The following SGCZ variants were observed in gnomAD, a reference collection of about 807,000 sequenced individuals.
SGCZ encodes zeta-sarcoglycan.
Under a neutral mutation model 41.3 loss-of-function variants are expected in SGCZ, and 40 were observed. The observed-to-expected ratio is 0.97, with a 90% CI of 0.75 to 1.26. The LOEUF (loss-of-function observed/expected upper bound fraction) is 1.26, where lower values mean the gene tolerates loss of function less well. SGCZ is among the 50% of genes most tolerant of loss of function. The probability of loss-of-function intolerance (pLI) is 0.00; values close to 1 mark genes in which losing one functional copy is unlikely to be tolerated. For synonymous variants in SGCZ, 206 were observed against 137.5 expected, an observed-to-expected ratio of 1.50 and a Z score of -3.49; for missense variants, 552 against 369.8, an observed-to-expected ratio of 1.49 and a Z score of -4.04.
chr8:14,950,092 C>T (rs141124059), intron 1 of SGCZ, among the ~76,000 whole-genome samples: 1 of 152,114 alleles, frequency 6.6e-6, no homozygotes, highest in African/African-American at 2.4e-5. Context: ...GAGTCTAAAA[C>T]AATCCTGAAA....
intron 4 of SGCZ, among the ~76,000 whole-genome samples, chr8:14,183,439 G>C (rs904176538): frequency 1.3e-5 from 2 of 152,022 alleles, no homozygotes; most frequent in East Asian, 1.9e-4. Flanking sequence ...ACTCAACAGA[G>C]ATAGTACATG....
chr8:14,642,923 G>T (rs115058777), intron 1 of SGCZ, among the ~76,000 whole-genome samples: 3 of 151,566 alleles, frequency 2.0e-5, no homozygotes, highest in East Asian at 1.9e-4. Flanking sequence ...AGCTTAAAAG[G>T]GTAGAGATTT....
chr8:14,554,928 T>C lies in SGCZ; in HGVS notation c.40-2A>G. 6.6e-7 allele frequency: 1 copy of C among 1,503,934 alleles called. No individual in the cohort carries two copies. The highest frequency in any genetic ancestry group is 8.9e-7 in the Non-Finnish European group (1 of 1,122,886). 93.2% of individuals were successfully genotyped at this position (1,503,934 alleles called of 1,614,324 possible). A position where few individuals can be genotyped will look rare whatever the true frequency, so the allele number is the denominator to read the frequency against. ...TAGTATGTATTGTTCTCGTGTCATCTGAAAAAGAAAAAAGAAAGAAAGAGA... is the reference window on the plus strand; with the variant it reads ...TAGTATGTATTGTTCTCGTGTCATCCGAAAAAGAAAAAAGAAAGAAAGAGA... On this transcript the variant is annotated splice_acceptor_variant, in intron 1 of 7. Coordinates refer to ENST00000382080, the MANE Select transcript of SGCZ (RefSeq NM_139167.4). LOFTEE classifies it high-confidence loss of function.
intron 1 of SGCZ, among the ~76,000 whole-genome samples, chr8:14,924,573 G>C (rs1799687640): frequency 1.3e-5 from 2 of 151,834 alleles, no homozygotes; most frequent in Admixed American, 1.3e-4. Flanking sequence ...TACATCAGAA[G>C]CTTATCCACA....
At chr8:15,061,642 C>T (rs1804938709) in intron 1 of SGCZ, among the ~76,000 whole-genome samples, 1 of 151,394 alleles carries the variant, frequency 6.6e-6, no homozygotes, top group Non-Finnish European at 1.5e-5. Flanking sequence ...CCTTTTTTGC[C>T]CTTCTACATC....
At chr8:14,324,281 A>C in intron 2 of SGCZ, 77 bp from the exon 3 acceptor site, 1 of 1,015,984 alleles carries the variant, frequency 9.8e-7, no homozygotes, top group South Asian at 1.3e-5. Flanking sequence ...TTAGGCCTAA[A>C]TTGAGAAAAC....
At chr8:14,714,194 C>A (rs1809614110) in intron 1 of SGCZ, among the ~76,000 whole-genome samples, 1 of 152,062 alleles carries the variant, frequency 6.6e-6, no homozygotes, top group Non-Finnish European at 1.5e-5. Flanking sequence ...GTTTCGAACT[C>A]CTGACCTCCT....
In SGCZ at chr8:14,309,969, C is replaced by A. The variant is rs1801476170; in HGVS notation, c.336+14134G>T. Among the ~76,000 whole-genome samples, 4 of 151,744 alleles carry A rather than the reference C, an allele frequency of 2.6e-5. No individual in the cohort carries two copies. In the South Asian group the frequency reaches 8.3e-4, roughly 32 times the overall value. On this transcript the variant is annotated intron_variant, in intron 3 of 7. Transcript: ENST00000382080. ...CTCTGTAATAGTTCAGTAGAATTAC[C>A]ATTAATTACATACAAATTTTACCCA...
chr8:14,905,153 C>T (rs1001273830), intron 1 of SGCZ, among the ~76,000 whole-genome samples: 18 of 151,954 alleles, frequency 1.2e-4, no homozygotes, highest in African/African-American at 4.3e-4. Flanking sequence ...TTCTGTTTAT[C>T]AATGACATCA....
intron 3 of SGCZ, among the ~76,000 whole-genome samples, chr8:14,242,954 C>G (rs1798943798): frequency 6.6e-6 from 1 of 152,202 alleles, no homozygotes; most frequent in Non-Finnish European, 1.5e-5. Context: ...ACATCTTATA[C>G]TCACACACAC....
intron 1 of SGCZ, among the ~76,000 whole-genome samples, chr8:14,680,964 G>GAAAAAAGAGAGAAAAAAAAAA (rs1808424573): frequency 8.5e-6 from 1 of 117,934 alleles, no homozygotes; most frequent in African/African-American, 3.2e-5. Context: ...AAAAGAGTGG[G>GAAAAAAGAGAGAAAAAAAAAA]AAAAAAAAAA....
At chr8:15,065,114 C>T (rs1805082053) in intron 1 of SGCZ, among the ~76,000 whole-genome samples, 1 of 152,114 alleles carries the variant, frequency 6.6e-6, no homozygotes, top group African/African-American at 2.4e-5. Flanking sequence ...GTCTCACTTC[C>T]TGCCTTCCTG....
At chr8:14,173,752 A>T (rs114847571) in intron 4 of SGCZ, among the ~76,000 whole-genome samples, 2,013 of 127,478 alleles carry the variant, frequency 0.016, 37 homozygotes, top group African/African-American at 0.047. Flanking sequence ...GAGGAGATGT[A>T]CAGGAAACAG....
At chr8:14,945,194 C>A in intron 1 of SGCZ, among the ~76,000 whole-genome samples, 1 of 151,372 alleles carries the variant, frequency 6.6e-6, no homozygotes, top group Admixed American at 6.6e-5. Context: ...CAGAGTAATC[C>A]TTATGATACA....
intron 1 of SGCZ, among the ~76,000 whole-genome samples, chr8:14,942,404 G>A (rs778414196): frequency 2.6e-5 from 4 of 152,084 alleles, no homozygotes; most frequent in African/African-American, 4.8e-5. Flanking sequence ...GTAGCAGTTA[G>A]CAATTAATTC....
intron 7 of SGCZ, among the ~76,000 whole-genome samples, chr8:14,092,898 T>A (rs796813173): frequency 7.1e-6 from 1 of 141,070 alleles, no homozygotes; most frequent in Admixed American, 7.1e-5. Context: ...TATAATTAGA[T>A]TTGAAGTCTC....
rs570765275 is a variant in SGCZ, at chr8:14,341,681, G to A, written c.235-17477C>T. Among the ~76,000 whole-genome samples the A allele has an allele frequency of 3.3e-5, 5 of 152,276 alleles. No individual in the cohort carries two copies. In the East Asian group the frequency reaches 9.7e-4, roughly 29 times the overall value. On this transcript the variant is annotated intron_variant, in intron 2 of 7. Transcript: ENST00000382080. ...ATGTGTTATAGGAGGGACCCAAGAG[G>A]AAGTAATTGAATCATGGGGGCCAGT...
chr8:14,994,500 C>T (rs1802142880), intron 1 of SGCZ, among the ~76,000 whole-genome samples: 1 of 151,944 alleles, frequency 6.6e-6, no homozygotes, highest in South Asian at 2.1e-4. Flanking sequence ...AGGAGAATTG[C>T]TTGAACCCAG....
At chr8:14,720,314 T>C (rs1313468542) in intron 1 of SGCZ, among the ~76,000 whole-genome samples, 1 of 152,110 alleles carries the variant, frequency 6.6e-6, no homozygotes, top group Non-Finnish European at 1.5e-5. Flanking sequence ...ATAAAACTTA[T>C]AAGTAAATTC....
Sources: allele counts gnomAD v4.1 joint callset (sites outside exome capture counted in the v4.1 genomes callset), GRCh38; gene constraint gnomAD v4.1.1; transcripts MANE v1.5; gene names NCBI Gene and HGNC (gene_info 2026-07-23, HGNC 2026-07-21).